Variants in ATP2C2 observed in about 807,000 individuals in gnomAD.
ATP2C2 encodes ATPase secretory pathway Ca2+ transporting 2.
In ATP2C2, 171 loss-of-function variants were observed where a neutral mutation model predicts 110.8. The ratio of observed to expected loss-of-function variants is 1.54; its 90% CI spans 1.36 to 1.75. ATP2C2 has a LOEUF of 1.75. ATP2C2 is among the 40% of genes most tolerant of loss of function. ATP2C2 has a pLI of 0.00. For missense variants in ATP2C2, 1,963 were observed against 1,235.0 expected, an observed-to-expected ratio of 1.59 and a Z score of -8.84; for synonymous variants, 804 against 508.4, an observed-to-expected ratio of 1.58 and a Z score of -7.82.
rs1372785087 is a variant in ATP2C2, at chr16:84,411,101, A to AG, written c.515+339dup. ...AACTGTGTGCATTTTTTCTAGGGAG[A>AG]GGGTCTGGAGGTTTATTTGAATTCT... is the stretch of plus-strand genomic sequence containing the variant. On this transcript the variant is annotated intron_variant, in intron 6 of 26. Transcript: ENST00000262429. Among the ~76,000 whole-genome samples the AG allele has an allele frequency of 2.0e-5, 3 of 152,066 alleles. No homozygotes were observed. In the East Asian group the frequency reaches 5.8e-4, roughly 29 times the overall value.
chr16:84,463,722 A>C lies in ATP2C2; in HGVS notation c.2831A>C (p.Glu944Ala), dbSNP rs1361165620. The change falls in exon 27 of 27, where the codon GAA becomes GCA. Residue 944 changes from glutamate to alanine, a missense_variant. Transcript: ENST00000262429. Reference protein sequence around the residue: ...CSPKRVQMHPEDV With the variant: ...CSPKRVQMHPADV Reference sequence around the variant, plus strand: ...CCCAAGAGAGTCCAGATGCACCCTGAAGATGTGTAGTGGACCGCACTCCGC... The same window carrying C: ...CCCAAGAGAGTCCAGATGCACCCTGCAGATGTGTAGTGGACCGCACTCCGC... 6.2e-7 allele frequency: 1 copy of C among 1,612,890 alleles called. No individual in the cohort carries two copies. Among genetic ancestry groups the C allele is most frequent in the South Asian group, 1.1e-5 (1 of 91,062 alleles).
intron 15 of ATP2C2, 35 bp from the exon 16 acceptor site, chr16:84,446,294 T>A (rs1425387558): frequency 1.5e-6 from 2 of 1,338,444 alleles, no homozygotes; most frequent in Non-Finnish European, 2.1e-6. Context: ...TGGCTTCGGA[T>A]GACTCACTAA....
At chr16:84,424,119 T>C (rs537645655) in intron 10 of ATP2C2, among the ~76,000 whole-genome samples, 2 of 152,246 alleles carry the variant, frequency 1.3e-5, no homozygotes, top group Non-Finnish European at 2.9e-5. Context: ...CCACTGCCTA[T>C]AGCACATCTA....
chr16:84,453,166 G>C lies in ATP2C2; in HGVS notation c.1860G>C (p.Lys620Asn). 6.2e-7 allele frequency: 1 copy of C among 1,613,764 alleles called. No individual in the cohort carries two copies. Among genetic ancestry groups the C allele is most frequent in the Non-Finnish European group, 8.5e-7 (1 of 1,179,774 alleles). The change falls in exon 19 of 27, where the codon AAG (lysine) becomes AAC (asparagine). Residue 620 changes from lysine (K) to asparagine (N), a missense_variant. Physicochemically the swap from Lys to Asn is moderately conservative, Grantham distance 94 (BLOSUM62 0). Coordinates refer to ENST00000262429, the MANE Select transcript of ATP2C2 (RefSeq NM_014861.4). ...IGRNIGLCNG[K>N]LQAMSGEEVD... is the part of the protein sequence containing the mutation. ...GAAACATCGGCCTGTGCAACGGGAA[G>C]CTGCAAGCCATGTCCGGGGAGGAGG...
chr16:84,462,028 T>C lies in ATP2C2; in HGVS notation c.2621T>C (p.Met874Thr), dbSNP rs1188418810. Residue 874 changes from methionine (M) to threonine (T), a missense_variant, in exon 26 of 27, where the codon ATG (methionine) becomes ACG (threonine). By Grantham distance (81) the Met-to-Thr change is moderately conservative. Coordinates refer to ENST00000262429, the MANE Select transcript of ATP2C2 (RefSeq NM_014861.4). ...GAGATCGGCTTTCTCAGGAACCACA[T>C]GTTCCTCTACTCCGTCCTGGGGTCC... ...IFEIGFLRNH[M>T]FLYSVLGSIL... is the part of the protein sequence containing the mutation. The C allele has an allele frequency of 1.9e-6, 3 of 1,614,046 alleles. No homozygotes were observed. The highest frequency in any genetic ancestry group is 1.7e-5 in the Admixed American group (1 of 60,010).
Position 84,405,180 on chromosome 16 carries a change from C to T in ATP2C2, c.263C>T (p.Ala88Val), listed in dbSNP as rs200703953. The change falls in exon 3 of 27, where the codon GCC becomes GTC. Residue 88 changes from alanine to valine, a missense_variant. By Grantham distance (64) the Ala-to-Val change is moderately conservative. Transcript: ENST00000262429. Reference protein sequence around the residue: ...SEFSVTQRRLAHGWNEFVADN... With the variant: ...SEFSVTQRRLVHGWNEFVADN... ...TTCTCGGTGACGCAGCGCCGGCTGGCCCATGGCTGGAATGAGTTTGTTGCT... is the reference window on the plus strand; with the variant it reads ...TTCTCGGTGACGCAGCGCCGGCTGGTCCATGGCTGGAATGAGTTTGTTGCT... The T allele has an allele frequency of 1.2e-6, 2 of 1,613,946 alleles. No individual in the cohort carries two copies. Among genetic ancestry groups the T allele is most frequent in the Admixed American group, 3.3e-5 (2 of 59,994 alleles).
At chr16:84,370,438 C>A (rs1226845374) in intron 1 of ATP2C2, among the ~76,000 whole-genome samples, 1 of 152,128 alleles carries the variant, frequency 6.6e-6, no homozygotes, top group South Asian at 2.1e-4. Context: ...TTGTGCAAAC[C>A]CAGGAAATGT....
chr16:84,451,334 T>G (rs1383841064), intron 17 of ATP2C2, among the ~76,000 whole-genome samples: 2 of 152,178 alleles, frequency 1.3e-5, no homozygotes, highest in Admixed American at 1.3e-4. Context: ...CAGTTCAAGA[T>G]GAGATTTGGG....
intron 1 of ATP2C2, among the ~76,000 whole-genome samples, chr16:84,380,680 C>T (rs1305039660): frequency 6.6e-6 from 1 of 152,156 alleles, no homozygotes; most frequent in Non-Finnish European, 1.5e-5. Flanking sequence ...TCTAGTTCTG[C>T]CACTCGCCAG....
At chr16:84,415,938 A>C (rs1906795780) in intron 7 of ATP2C2, among the ~76,000 whole-genome samples, 1 of 151,338 alleles carries the variant, frequency 6.6e-6, no homozygotes, top group African/African-American at 2.5e-5. Context: ...GAAAGAAGTG[A>C]TATTAGAGGC....
At chr16:84,390,834 C>T (rs1335305026) in intron 1 of ATP2C2, among the ~76,000 whole-genome samples, 1 of 152,100 alleles carries the variant, frequency 6.6e-6, no homozygotes, top group African/African-American at 2.4e-5. Flanking sequence ...GAAAAGGGGG[C>T]CGGGCGCGGT....
chr16:84,438,999 G>C, intron 11 of ATP2C2, 167 bp from the exon 12 acceptor site: 1 of 984,804 alleles, frequency 1.0e-6, no homozygotes, highest in South Asian at 1.6e-5. Flanking sequence ...GACAGTGGGT[G>C]CTGCAGAAGG....
At chr16:84,402,267 C>G (rs1176080180) in intron 2 of ATP2C2, among the ~76,000 whole-genome samples, 1 of 152,158 alleles carries the variant, frequency 6.6e-6, no homozygotes, top group Non-Finnish European at 1.5e-5. Context: ...CATCTGCAAA[C>G]AAGAATAATT....
intron 11 of ATP2C2, among the ~76,000 whole-genome samples, chr16:84,434,706 C>T (rs944464538): frequency 1.3e-5 from 2 of 151,674 alleles, no homozygotes; most frequent in Admixed American, 1.3e-4. Context: ...TTGGTAGAGA[C>T]GGGGTTTCAA....
At chr16:84,403,118 A>C (rs1905448573) in intron 2 of ATP2C2, among the ~76,000 whole-genome samples, 1 of 151,990 alleles carries the variant, frequency 6.6e-6, no homozygotes, top group African/African-American at 2.4e-5. Context: ...TCTGTGATAT[A>C]ATTTGTGAAG....
At position 84,454,804 on chromosome 16, in the gene ATP2C2, T is replaced by C; in HGVS notation, c.1981-14T>C. On this transcript the variant is annotated splice_polypyrimidine_tract_variant and intron_variant, in intron 20 of 26. Coordinates refer to ENST00000262429, the MANE Select transcript of ATP2C2 (RefSeq NM_014861.4). ...CGTCAGGCTGCAGGCCTTCATTGCC[T>C]GCTCTTTCCAAAGGCTCTGCAGGAG... is the stretch of plus-strand genomic sequence containing the variant. The C allele has an allele frequency of 6.4e-7, 1 of 1,573,776 alleles. No individual in the cohort carries two copies. The highest frequency in any genetic ancestry group is 8.6e-7 in the Non-Finnish European group (1 of 1,161,676).
At chr16:84,376,300 T>A (rs544201693) in intron 1 of ATP2C2, among the ~76,000 whole-genome samples, 1 of 152,208 alleles carries the variant, frequency 6.6e-6, no homozygotes, top group East Asian at 1.9e-4. Flanking sequence ...GGCTACAGAA[T>A]TCGTGGGGCA....
At chr16:84,379,444 G>T (rs2151398460) in intron 1 of ATP2C2, among the ~76,000 whole-genome samples, 1 of 152,336 alleles carries the variant, frequency 6.6e-6, no homozygotes, top group Middle Eastern at 3.4e-3. Context: ...GGGATTACAG[G>T]CGTGAGCCAC....
chr16:84,403,323 C>T (rs1387553751), intron 2 of ATP2C2, among the ~76,000 whole-genome samples: 1 of 151,952 alleles, frequency 6.6e-6, no homozygotes. Flanking sequence ...TTATTTTTTC[C>T]AAGACATGGT....
Sources: allele counts gnomAD v4.1 joint callset (sites outside exome capture counted in the v4.1 genomes callset), GRCh38; gene constraint gnomAD v4.1.1; transcripts MANE v1.5; gene names NCBI Gene and HGNC (gene_info 2026-07-23, HGNC 2026-07-21).